The following NCAM2 variants were observed in gnomAD, a reference collection of about 807,000 sequenced individuals.
NCAM2 encodes neural cell adhesion molecule 2, also known as N-CAM-2.
NCAM2 carries 30 observed loss-of-function variants against 98.1 expected under a neutral mutation model. The ratio of observed to expected loss-of-function variants is 0.31; its 90% CI spans 0.23 to 0.41. The LOEUF is 0.41. Among genes scored for constraint, NCAM2 ranks in the 10% least tolerant of loss-of-function variants. The probability of loss-of-function intolerance (pLI) is 1.00; values close to 1 mark genes in which losing one functional copy is unlikely to be tolerated. For missense variants in NCAM2, 867 were observed against 1,005.8 expected (o/e 0.86, Z 1.87); for synonymous variants, 368 against 342.4 (o/e 1.07, Z -0.83).
At chr21:21,053,681 G>C (rs1157837945) in intron 1 of NCAM2, among the ~76,000 whole-genome samples, 1 of 148,868 alleles carries the variant, frequency 6.7e-6, no homozygotes, top group East Asian at 2.0e-4. Context: ...TTTTTGTCAT[G>C]AGTATATTTA....
intron 1 of NCAM2, among the ~76,000 whole-genome samples, chr21:21,166,497 C>A (rs945848684): frequency 7.2e-6 from 1 of 139,264 alleles, no homozygotes; most frequent in African/African-American, 2.5e-5. Context: ...TGAGCCACCG[C>A]GCCTGGCCTG....
At chr21:21,295,294 T>C (rs1173201637) in intron 5 of NCAM2, among the ~76,000 whole-genome samples, 1 of 151,872 alleles carries the variant, frequency 6.6e-6, no homozygotes, top group Non-Finnish European at 1.5e-5. Context: ...TGGCTTCCTC[T>C]GTAGTACCAG....
intron 1 of NCAM2, among the ~76,000 whole-genome samples, chr21:21,210,114 A>G (rs1406560712): frequency 6.6e-6 from 1 of 152,210 alleles, no homozygotes; most frequent in Non-Finnish European, 1.5e-5. Flanking sequence ...GCATTGATAG[A>G]TCAAACTTGA....
intron 1 of NCAM2, among the ~76,000 whole-genome samples, chr21:21,033,882 C>G (rs2064742769): frequency 1.3e-5 from 2 of 151,874 alleles, no homozygotes; most frequent in Non-Finnish European, 2.9e-5. Flanking sequence ...ATCTGCAGGC[C>G]CTGTTAATAG....
Position 21,199,992 on chromosome 21 carries a change from C to T in NCAM2, c.56-80586C>T, listed in dbSNP as rs536379425. Among the ~76,000 whole-genome samples, 68 of 152,114 alleles carry T rather than the reference C, an allele frequency of 4.5e-4. No individual in the cohort carries two copies. In the South Asian group the frequency reaches 0.011, roughly 26 times the overall value. On this transcript the variant is annotated intron_variant, in intron 1 of 17. Transcript: ENST00000400546. ...AATTATATTGCTGTGCATGTTAACG[C>T]AAGATAATTTTTGCCACTCCATGAA...
chr21:21,314,328 C>T (rs935898832), intron 5 of NCAM2, among the ~76,000 whole-genome samples: 5 of 152,022 alleles, frequency 3.3e-5, no homozygotes, highest in African/African-American at 1.2e-4. Flanking sequence ...TGTTTCATTT[C>T]CTTTTGGCCT....
At chr21:21,029,794 C>A (rs1601142266) in intron 1 of NCAM2, among the ~76,000 whole-genome samples, 2 of 151,016 alleles carry the variant, frequency 1.3e-5, no homozygotes, top group African/African-American at 4.9e-5. Flanking sequence ...CCATGCCCAG[C>A]TAATTTTTTG....
intron 1 of NCAM2, among the ~76,000 whole-genome samples, chr21:21,200,319 G>A (rs944332445): frequency 1.3e-5 from 2 of 151,206 alleles, no homozygotes; most frequent in Non-Finnish European, 2.9e-5. Flanking sequence ...GAAACGCTGC[G>A]TGAGGGTTCT....
intron 5 of NCAM2, among the ~76,000 whole-genome samples, chr21:21,305,371 C>G (rs1177467647): frequency 6.6e-6 from 1 of 151,930 alleles, no homozygotes; most frequent in African/African-American, 2.4e-5. Context: ...AATAAAGACA[C>G]TTTTACTTAT....
intron 1 of NCAM2, among the ~76,000 whole-genome samples, chr21:21,031,390 G>A (rs952783686): frequency 6.6e-6 from 1 of 152,162 alleles, no homozygotes; most frequent in Non-Finnish European, 1.5e-5. Context: ...ATTAGTAATA[G>A]AGCTTCACCT....
At chr21:21,390,280 C>G (rs1309075247) in intron 9 of NCAM2, among the ~76,000 whole-genome samples, 1 of 151,956 alleles carries the variant, frequency 6.6e-6, no homozygotes, top group African/African-American at 2.4e-5. Context: ...GAAAATTTAA[C>G]ATTGCATAGG....
At chr21:21,182,592 T>C (rs1483149399) in intron 1 of NCAM2, among the ~76,000 whole-genome samples, 2 of 152,168 alleles carry the variant, frequency 1.3e-5, no homozygotes, top group African/African-American at 4.8e-5. Context: ...CATGTGTCTG[T>C]TTTATCATTT....
At chr21:21,010,317 A>C (rs2064185741) in intron 1 of NCAM2, among the ~76,000 whole-genome samples, 1 of 152,038 alleles carries the variant, frequency 6.6e-6, no homozygotes, top group African/African-American at 2.4e-5. Flanking sequence ...TCAATGGCTT[A>C]TGAAGGCCTA....
intron 1 of NCAM2, among the ~76,000 whole-genome samples, chr21:21,201,769 G>C (rs2069232589): frequency 1.3e-5 from 2 of 152,156 alleles, no homozygotes; most frequent in Non-Finnish European, 2.9e-5. Flanking sequence ...AGTCACTCCA[G>C]ATTTTCTTTT....
At chr21:21,366,448 A>C (rs565127995) in intron 8 of NCAM2, among the ~76,000 whole-genome samples, 1 of 152,096 alleles carries the variant, frequency 6.6e-6, no homozygotes, top group Non-Finnish European at 1.5e-5. Flanking sequence ...TTTAATTCTC[A>C]CCAGATGTGG....
chr21:21,408,219 G>C (rs2145903601), intron 9 of NCAM2, among the ~76,000 whole-genome samples: 1 of 152,230 alleles, frequency 6.6e-6, no homozygotes, highest in African/African-American at 2.4e-5. Flanking sequence ...GTGTGGAAAG[G>C]CTGTGTTTAG....
At chr21:21,148,120 G>T (rs1310408421) in intron 1 of NCAM2, among the ~76,000 whole-genome samples, 1 of 152,024 alleles carries the variant, frequency 6.6e-6, no homozygotes, top group Non-Finnish European at 1.5e-5. Context: ...ATTGGGAAGG[G>T]CCATGTGCTT....
intron 1 of NCAM2, among the ~76,000 whole-genome samples, chr21:21,237,949 CTTTTTTTTTT>C (rs71195313): frequency 0.52 from 59,510 of 115,546 alleles, 12,886 homozygotes; most frequent in Middle Eastern, 0.65. Context: ...CATTGTAATT[CTTTTTTTTTT>C]TTTTTTTTTT....
intron 1 of NCAM2, among the ~76,000 whole-genome samples, chr21:21,143,176 C>A (rs73226339): frequency 1.3e-5 from 2 of 152,142 alleles, no homozygotes; most frequent in Non-Finnish European, 2.9e-5. Flanking sequence ...ATTTAGCCAA[C>A]CCCTGCTTAG....
Sources: gnomAD v4.1 joint callset for allele counts (sites outside exome capture counted in the v4.1 genomes callset) on GRCh38, gnomAD v4.1.1 for gene constraint, MANE v1.5 for transcripts, NCBI Gene and HGNC (gene_info 2026-07-23, HGNC 2026-07-21) for gene names.